Variants in SNX9 observed in about 807,000 individuals in gnomAD.
SNX9 encodes sorting nexin 9.
SNX9 carries 44 observed loss-of-function variants against 89.4 expected under a neutral mutation model. The observed-to-expected ratio is 0.49, with a 90% CI of 0.39 to 0.63. The LOEUF (loss-of-function observed/expected upper bound fraction) is 0.63. SNX9 is among the 30% of genes least tolerant of loss of function. SNX9 has a pLI of 0.00. For synonymous variants in SNX9, 236 were observed against 247.8 expected (o/e 0.95, Z 0.45); for missense variants, 578 against 736.1 (o/e 0.79, Z 2.49).
intron 12 of SNX9, among the ~76,000 whole-genome samples, chr6:157,931,838 G>A (rs146404365): frequency 6.6e-6 from 1 of 152,328 alleles, no homozygotes; most frequent in East Asian, 1.9e-4. Context: ...CATGAGGATG[G>A]TGTCTCTGCA....
At position 157,901,904 on chromosome 6, in the gene SNX9, GTGA is replaced by G; in HGVS notation, c.489_491del (p.Asp164del). 1.9e-6 allele frequency: 3 copies of G among 1,603,174 alleles called. No individual in the cohort carries two copies. The highest frequency in any genetic ancestry group is 2.6e-6 in the Non-Finnish European group (3 of 1,175,630). ...CTTCCATTTTCACCTCTAGCAACTG[GTGA>G]TGATGATGACTGGGATGAAGACTGG... On this transcript the variant is annotated inframe_deletion, in exon 6 of 18. Coordinates refer to ENST00000392185, the MANE Select transcript of SNX9 (RefSeq NM_016224.5).
chr6:157,887,610 C>G (rs7756189), intron 4 of SNX9, among the ~76,000 whole-genome samples: 4,570 of 152,254 alleles, frequency 0.03, 226 homozygotes, highest in African/African-American at 0.1. Flanking sequence ...TCTCCCGTAT[C>G]TCAGGATCAC....
intron 4 of SNX9, among the ~76,000 whole-genome samples, chr6:157,895,242 G>A (rs1362889937): frequency 2.0e-5 from 3 of 152,170 alleles, no homozygotes; most frequent in Admixed American, 1.3e-4. Context: ...TGGCTTTAAG[G>A]CCTGCAGTTG....
chr6:157,840,683 C>T (rs1186064195), intron 1 of SNX9, among the ~76,000 whole-genome samples: 1 of 152,128 alleles, frequency 6.6e-6, no homozygotes, highest in Non-Finnish European at 1.5e-5. Context: ...TTAAGTCAAT[C>T]AGTAAGAGAG....
intron 10 of SNX9, among the ~76,000 whole-genome samples, chr6:157,926,448 A>T (rs1190461493): frequency 6.6e-6 from 1 of 152,174 alleles, no homozygotes; most frequent in Non-Finnish European, 1.5e-5. Context: ...TTACCTTTTT[A>T]GAAAACAGAT....
intron 4 of SNX9, among the ~76,000 whole-genome samples, chr6:157,886,813 T>G (rs965672115): frequency 1.3e-5 from 2 of 152,224 alleles, no homozygotes; most frequent in Non-Finnish European, 2.9e-5. Flanking sequence ...TGTCTTTTTT[T>G]CTGACAGTAG....
intron 4 of SNX9, among the ~76,000 whole-genome samples, chr6:157,880,371 C>G (rs552989196): frequency 6.6e-6 from 1 of 152,202 alleles, no homozygotes; most frequent in Non-Finnish European, 1.5e-5. Context: ...GTTCCAGCCT[C>G]TCTCACTATT....
At chr6:157,902,967 CA>C (rs56396531) in intron 6 of SNX9, among the ~76,000 whole-genome samples, 29 of 140,054 alleles carry the variant, frequency 2.1e-4, no homozygotes, top group East Asian at 2.1e-4. Flanking sequence ...CACACCTAGC[CA>C]AAAAAAAAAA....
At chr6:157,877,564 A>G (rs559497163) in intron 4 of SNX9, among the ~76,000 whole-genome samples, 44 of 152,352 alleles carry the variant, frequency 2.9e-4, no homozygotes, top group Non-Finnish European at 5.7e-4. Flanking sequence ...GTAGCTTTTT[A>G]AACATTTTCC....
intron 1 of SNX9, among the ~76,000 whole-genome samples, chr6:157,858,199 G>C (rs985326309): frequency 2.0e-5 from 3 of 151,852 alleles, no homozygotes; most frequent in Admixed American, 6.6e-5. Context: ...CGTTCTGTTG[G>C]CCAGAGTAAG....
intron 1 of SNX9, among the ~76,000 whole-genome samples, chr6:157,849,745 G>T (rs190650855): frequency 7.2e-5 from 11 of 152,270 alleles, no homozygotes; most frequent in Admixed American, 1.3e-4. Flanking sequence ...TGAGTGGATA[G>T]GAGAAGTTCC....
intron 1 of SNX9, among the ~76,000 whole-genome samples, chr6:157,836,168 T>C (rs1781579307): frequency 6.6e-6 from 1 of 152,168 alleles, no homozygotes; most frequent in Non-Finnish European, 1.5e-5. Context: ...CAGGCTGATC[T>C]TGAACTTCTG....
intron 1 of SNX9, among the ~76,000 whole-genome samples, chr6:157,828,623 A>G (rs1162008739): frequency 6.6e-6 from 1 of 152,034 alleles, no homozygotes; most frequent in African/African-American, 2.4e-5. Flanking sequence ...TCTCCCAAGT[A>G]GCTGGGACTA....
intron 12 of SNX9, 44 bp downstream of exon 12, chr6:157,928,746 G>T: frequency 6.9e-7 from 1 of 1,442,276 alleles, no homozygotes; most frequent in Non-Finnish European, 9.3e-7. Flanking sequence ...AGGGGGTGAT[G>T]CAGGCTCAGT....
intron 12 of SNX9, among the ~76,000 whole-genome samples, 173 bp downstream of exon 12, chr6:157,928,875 G>C (rs1244989623): frequency 6.6e-6 from 1 of 152,124 alleles, no homozygotes; most frequent in African/African-American, 2.4e-5. Flanking sequence ...TTAAACCACA[G>C]AAAACTGACC....
chr6:157,858,507 C>T (rs947460295), intron 1 of SNX9, among the ~76,000 whole-genome samples: 1 of 152,078 alleles, frequency 6.6e-6, no homozygotes, highest in Admixed American at 6.5e-5. Flanking sequence ...CAAGTGTGAG[C>T]CACCATGCCC....
intron 1 of SNX9, among the ~76,000 whole-genome samples, chr6:157,826,890 T>TATATTATAGTTTATATAATATATAAATAC (rs1781366613): frequency 9.4e-6 from 1 of 106,762 alleles, no homozygotes; most frequent in Non-Finnish European, 1.7e-5. Flanking sequence ...TATATAAATA[T>TATATTATAGTTTATATAATATATAAATAC]ATATTATAGT....
chr6:157,856,358 AC>A (rs1782011789), intron 1 of SNX9, among the ~76,000 whole-genome samples: 1 of 152,250 alleles, frequency 6.6e-6, no homozygotes, highest in South Asian at 2.1e-4. Flanking sequence ...TTTCATCAAG[AC>A]CCCATCAGTG....
intron 9 of SNX9, among the ~76,000 whole-genome samples, chr6:157,919,275 T>C (rs932418856): frequency 6.6e-6 from 1 of 152,234 alleles, no homozygotes; most frequent in African/African-American, 2.4e-5. Context: ...GTGCCCACTC[T>C]ACTATGCATG....
Sources: gnomAD v4.1 joint callset for allele counts (sites outside exome capture counted in the v4.1 genomes callset) on GRCh38, gnomAD v4.1.1 for gene constraint, MANE v1.5 for transcripts, NCBI Gene and HGNC (gene_info 2026-07-23, HGNC 2026-07-21) for gene names.